Variants in VTI1B observed in about 807,000 individuals in gnomAD.
VTI1B encodes the protein vesicle transport through interaction with t-SNAREs 1B, also known as vesicle transport through interaction with t-SNAREs homolog 1B.
In VTI1B, 18 loss-of-function variants were observed where a neutral mutation model predicts 28.6. The ratio of observed to expected loss-of-function variants is 0.63; its 90% CI spans 0.43 to 0.93. The LOEUF (loss-of-function observed/expected upper bound fraction) is 0.93. VTI1B is among the 40% of genes least tolerant of loss of function. The pLI, the probability that VTI1B is intolerant of heterozygous loss-of-function variation, is 0.00. For synonymous variants in VTI1B, 100 were observed against 107.9 expected (o/e 0.93, Z 0.46); for missense variants, 283 against 297.0 (o/e 0.95, Z 0.35).
intron 3 of VTI1B, among the ~76,000 whole-genome samples, chr14:67,657,809 C>T (rs1950713791): frequency 6.9e-6 from 1 of 145,102 alleles, no homozygotes; most frequent in South Asian, 2.1e-4. Flanking sequence ...AGTGGAGTGG[C>T]AAGATCTCAG....
rs929823289 is a variant in VTI1B, at chr14:67,648,462, A to G, written c.*2923T>C. On this transcript the variant is annotated 3_prime_UTR_variant, in exon 6 of 6. Transcript: ENST00000554659. ...CAAGAATAAATTGTCAAACTGATGC[A>G]GTTCTTTGAGTTATCTAAAGGCAGA... The G allele has an allele frequency of 4.0e-6, 1 of 252,422 alleles. No individual in the cohort carries two copies. Among genetic ancestry groups the G allele is most frequent in the Non-Finnish European group, 7.5e-6 (1 of 133,262 alleles). 15.6% of individuals were successfully genotyped at this position (252,422 alleles called of 1,614,324 possible). A position where few individuals can be genotyped will look rare whatever the true frequency, so the allele number is the denominator to read the frequency against.
intron 3 of VTI1B, among the ~76,000 whole-genome samples, 193 bp downstream of exon 3, chr14:67,659,538 G>A (rs542110696): frequency 2.3e-4 from 35 of 151,422 alleles, no homozygotes; most frequent in Non-Finnish European, 4.3e-4. Flanking sequence ...CATATAGTTC[G>A]AAAGGCCTGC....
chr14:67,672,981 A>G (rs1441416015), intron 1 of VTI1B, among the ~76,000 whole-genome samples: 5 of 152,198 alleles, frequency 3.3e-5, no homozygotes, highest in Non-Finnish European at 7.3e-5. Flanking sequence ...TTGCAGTGCT[A>G]TTCCCTCCTT....
intron 3 of VTI1B, among the ~76,000 whole-genome samples, chr14:67,658,826 G>A (rs1198405441): frequency 6.6e-6 from 1 of 152,092 alleles, no homozygotes; most frequent in Non-Finnish European, 1.5e-5. Flanking sequence ...CATTCTCAAG[G>A]GATCTAGTTT....
chr14:67,665,608 C>T (rs557123549), intron 1 of VTI1B, among the ~76,000 whole-genome samples: 22 of 152,192 alleles, frequency 1.4e-4, no homozygotes, highest in African/African-American at 5.1e-4. Context: ...ATTTTGGATG[C>T]GTATATTCTA....
intron 3 of VTI1B, among the ~76,000 whole-genome samples, chr14:67,659,061 T>C (rs1054072582): frequency 3.3e-5 from 5 of 152,254 alleles, no homozygotes; most frequent in African/African-American, 1.2e-4. Context: ...TCAGACGTTT[T>C]ATTCCTTTAA....
rs557755993 is a variant in VTI1B, at chr14:67,657,471, C to T, written c.367-882G>A. Among the ~76,000 whole-genome samples the T allele has an allele frequency of 2.0e-5, 3 of 152,298 alleles. No homozygotes were observed. The South Asian group carries it at 6.2e-4, about 32-fold the overall frequency. ...TTTCTAAATCCCCACCGAAGTTTTA[C>T]TCCACCTGTAATCCTAAATACAGAC... On this transcript the variant is annotated intron_variant, in intron 3 of 5. Transcript: ENST00000554659.
intron 1 of VTI1B, among the ~76,000 whole-genome samples, chr14:67,670,877 T>C (rs2037457561): frequency 6.6e-6 from 1 of 152,194 alleles, no homozygotes; most frequent in Non-Finnish European, 1.5e-5. Flanking sequence ...GCCTAGACAG[T>C]GGCTGATACA....
intron 1 of VTI1B, chr14:67,663,090 T>C: frequency 6.7e-7 from 1 of 1,494,638 alleles, no homozygotes; most frequent in Non-Finnish European, 8.9e-7. Flanking sequence ...GCACCGGCAA[T>C]GACTTGAACG....
rs1360449659 is a variant in VTI1B, at chr14:67,649,924, G to A, written c.*1461C>T. The A allele has an allele frequency of 6.6e-6, 1 of 152,194 alleles. No homozygotes were observed. Among genetic ancestry groups the A allele is most frequent in the Admixed American group, 6.5e-5 (1 of 15,278 alleles). The allele number at this position is 152,194 out of a possible 1,614,324, so 9.4% of individuals were successfully genotyped here. ...AGAGAAGTGAGGCATTTAGAGGGGTGAGCATAGTAGCAGGTCTGGATAGGT... is the reference window on the plus strand; with the variant it reads ...AGAGAAGTGAGGCATTTAGAGGGGTAAGCATAGTAGCAGGTCTGGATAGGT... On this transcript the variant is annotated 3_prime_UTR_variant, in exon 6 of 6. Transcript: ENST00000554659.
Position 67,670,101 on chromosome 14 carries a change from T to A in VTI1B, c.115+4274A>T, listed in dbSNP as rs375854900. Among the ~76,000 whole-genome samples, 15 of 152,242 alleles carry A rather than the reference T, an allele frequency of 9.9e-5. No individual in the cohort carries two copies. In the East Asian group the frequency reaches 2.1e-3, roughly 22 times the overall value. On this transcript the variant is annotated intron_variant, in intron 1 of 5. Transcript: ENST00000554659. ...CGGGAGACAGGAGTGAGAACCTGTG[T>A]CAAACAAATTCCCGTTAGCAAGGTG... is the stretch of plus-strand genomic sequence containing the variant.
Position 67,650,846 on chromosome 14 carries a change from C to T in VTI1B, c.*539G>A. 1 of 1,614,108 alleles carries T rather than the reference C, an allele frequency of 6.2e-7. No individual in the cohort carries two copies. The highest frequency in any genetic ancestry group is 8.5e-7 in the Non-Finnish European group (1 of 1,179,994). ...CTTTGGTCAGACAAGAGAAGGAGGG[C>T]ATATTGTCTATGACCAACTTCCTAC... is the stretch of plus-strand genomic sequence containing the variant. On this transcript the variant is annotated 3_prime_UTR_variant, in exon 6 of 6. Transcript: ENST00000554659.
intron 1 of VTI1B, among the ~76,000 whole-genome samples, chr14:67,673,453 T>G (rs753249486): frequency 6.6e-6 from 1 of 152,244 alleles, no homozygotes; most frequent in Non-Finnish European, 1.5e-5. Flanking sequence ...AGTTATATAT[T>G]GTTTATCACC....
chr14:67,664,927 C>T (rs1465973143), intron 1 of VTI1B, among the ~76,000 whole-genome samples: 1 of 152,176 alleles, frequency 6.6e-6, no homozygotes, highest in Non-Finnish European at 1.5e-5. Context: ...AGTGCCGTGG[C>T]GTCATCTCAG....
chr14:67,653,639 G>A lies in VTI1B; in HGVS notation c.541-141C>T, dbSNP rs562834565. The stretch of plus-strand genomic sequence containing the variant: ...CAAGCCAATTTAAATGATGGCCTTT[G>A]AGTGTAAGTAGAAGAACCTGGAAAG... On this transcript the variant is annotated intron_variant, in intron 4 of 5. Transcript: ENST00000554659. The A allele has an allele frequency of 2.3e-4, 159 of 678,600 alleles. No homozygotes were observed. In the African/African-American group the frequency reaches 2.4e-3, roughly 10 times the overall value. The allele number at this position is 678,600 out of a possible 1,614,324, so 42.0% of individuals were successfully genotyped here.
At chr14:67,658,626 A>G (rs2037296892) in intron 3 of VTI1B, among the ~76,000 whole-genome samples, 1 of 152,206 alleles carries the variant, frequency 6.6e-6, no homozygotes. Context: ...TCTGAAACTC[A>G]TAATTTTAAA....
Position 67,656,592 on chromosome 14 carries a change from G to T in VTI1B, c.367-3C>A. ...GCCCTTTGAGACTGTAGCCGATTCTGAAAGAAGTATGGAAGAGAAATGTTA... is the reference window on the plus strand; with the variant it reads ...GCCCTTTGAGACTGTAGCCGATTCTTAAAGAAGTATGGAAGAGAAATGTTA... On this transcript the variant is annotated splice_polypyrimidine_tract_variant and splice_region_variant and intron_variant, in intron 3 of 5. Transcript: ENST00000554659. 6.3e-7 allele frequency: 1 copy of T among 1,597,250 alleles called. No homozygotes were observed. The highest frequency in any genetic ancestry group is 1.1e-5 in the South Asian group (1 of 88,790).
Position 67,650,977 on chromosome 14 carries a change from A to G in VTI1B, c.*408T>C. On this transcript the variant is annotated 3_prime_UTR_variant, in exon 6 of 6. Transcript: ENST00000554659. ...GGCATTCCAGAATTATGAGGCATTG[A>G]GGGGATAGATGAATACTAAATGGTT... The G allele has an allele frequency of 6.6e-7, 1 of 1,525,340 alleles. No homozygotes were observed. The highest frequency in any genetic ancestry group is 9.0e-7 in the Non-Finnish European group (1 of 1,107,890). 94.5% of individuals were successfully genotyped at this position (1,525,340 alleles called of 1,614,324 possible). A position where few individuals can be genotyped will look rare whatever the true frequency, so the allele number is the denominator to read the frequency against.
intron 1 of VTI1B, among the ~76,000 whole-genome samples, chr14:67,670,947 T>A (rs2037458175): frequency 6.6e-6 from 1 of 152,236 alleles, no homozygotes; most frequent in African/African-American, 2.4e-5. Flanking sequence ...ATAAGCTACA[T>A]GCAAGGACTG....
Sources: allele counts gnomAD v4.1 joint callset (sites outside exome capture counted in the v4.1 genomes callset), GRCh38; gene constraint gnomAD v4.1.1; transcripts MANE v1.5; gene names NCBI Gene and HGNC (gene_info 2026-07-23, HGNC 2026-07-21).